Variants in TENT5C observed in about 807,000 individuals in gnomAD.
TENT5C encodes terminal nucleotidyltransferase 5C.
TENT5C carries 5 observed loss-of-function variants against 22.2 expected under a neutral mutation model. The ratio of observed to expected loss-of-function variants is 0.22; its 90% CI spans 0.12 to 0.47. TENT5C has a LOEUF of 0.47. TENT5C is among the 20% of genes least tolerant of loss of function. The pLI, the probability that TENT5C is intolerant of heterozygous loss-of-function variation, is 0.99. For missense variants in TENT5C, 364 were observed against 500.9 expected, an observed-to-expected ratio of 0.73 and a Z score of 2.61; for synonymous variants, 199 against 195.4, an observed-to-expected ratio of 1.02 and a Z score of -0.15.
chr1:117,614,769 G>T (rs1653746268), intron 1 of TENT5C, among the ~76,000 whole-genome samples: 1 of 152,104 alleles, frequency 6.6e-6, no homozygotes, highest in African/African-American at 2.4e-5. Context: ...ATCAGGATCA[G>T]CCCATTCCTG....
intron 1 of TENT5C, among the ~76,000 whole-genome samples, chr1:117,612,209 T>C (rs3767809): frequency 0.25 from 38,440 of 152,154 alleles, 4,925 homozygotes; most frequent in Admixed American, 0.32. Context: ...GAGCAGTGCT[T>C]GAAACATAGT....
rs925685597 is a variant in TENT5C, at chr1:117,627,760, T to A, written c.*3716T>A. 2 of 247,746 alleles carry A rather than the reference T, an allele frequency of 8.1e-6. No homozygotes were observed. Among genetic ancestry groups the A allele is most frequent in the Non-Finnish European group, 1.7e-5 (2 of 118,092 alleles). The allele number at this position is 247,746 out of a possible 1,614,324, so 15.3% of individuals were successfully genotyped here. A position where few individuals can be genotyped will look rare whatever the true frequency, so the allele number is the denominator to read the frequency against. Reference sequence around the variant, plus strand: ...CAAGTCGTGGGGGAGGGGGGCGGTGTTGAGGAGAGGTATTTTTAAAGATCT... The same window carrying A: ...CAAGTCGTGGGGGAGGGGGGCGGTGATGAGGAGAGGTATTTTTAAAGATCT... On this transcript the variant is annotated 3_prime_UTR_variant, in exon 2 of 2. Transcript: ENST00000369448.
Position 117,628,350 on chromosome 1 carries a change from GTATATTT to G in TENT5C, c.*4307_*4313del, listed in dbSNP as rs1558009378. 4.2e-6 allele frequency: 1 copy of G among 239,644 alleles called. No homozygotes were observed. The allele number at this position is 239,644 out of a possible 1,614,324, so 14.8% of individuals were successfully genotyped here. On this transcript the variant is annotated 3_prime_UTR_variant, in exon 2 of 2. Transcript: ENST00000369448. ...AAAGCTTTGAGTTTGAGAAATAAAGGTATATTTAAAATTTAAATAAAACTTGTCATTT... is the reference window on the plus strand; with the variant it reads ...AAAGCTTTGAGTTTGAGAAATAAAGGAAAATTTAAATAAAACTTGTCATTT...
intron 1 of TENT5C, among the ~76,000 whole-genome samples, chr1:117,615,906 C>T (rs12025902): frequency 0.053 from 8,010 of 152,264 alleles, 298 homozygotes; most frequent in East Asian, 0.14. Context: ...CTAGGTCTCA[C>T]GGTTACATAG....
chr1:117,615,017 C>T lies in TENT5C; in HGVS notation c.-27-7825C>T, dbSNP rs557478270. On this transcript the variant is annotated intron_variant, in intron 1 of 1. Transcript: ENST00000369448. ...AGTAGCATAACGATTAGCATTTCTA[C>T]ACTTAATCACATTCAGTTCTGGTGG... Among the ~76,000 whole-genome samples, 8 of 152,338 alleles carry T rather than the reference C, an allele frequency of 5.3e-5. No individual in the cohort carries two copies. In the South Asian group the frequency reaches 1.2e-3, roughly 24 times the overall value.
intron 1 of TENT5C, among the ~76,000 whole-genome samples, chr1:117,621,619 G>C (rs1381034254): frequency 1.3e-5 from 2 of 152,180 alleles, no homozygotes; most frequent in African/African-American, 4.8e-5. Flanking sequence ...AAACACAGCA[G>C]CTTCCAAACA....
In TENT5C at chr1:117,623,772, A is replaced by G. The variant is rs538158859; in HGVS notation, c.904A>G (p.Ser302Gly). 1.9e-6 allele frequency: 3 copies of G among 1,614,192 alleles called. No individual in the cohort carries two copies. The highest frequency in any genetic ancestry group is 2.2e-5 in the South Asian group (2 of 91,074). Residue 302 changes from serine to glycine, a missense_variant, in exon 2 of 2, where the codon AGC becomes GGC. Physicochemically the swap from Ser to Gly is moderately conservative, Grantham distance 56 (BLOSUM62 0). Transcript: ENST00000369448. ...AAACCACTTCGCTGAAGAAGAGAGA[A>G]GCAAGTACGACTACCTCATGATCCT... ...LQNHFAEEER[S>G]KYDYLMILRR...
At chr1:117,622,385 G>A (rs1653912684) in intron 1 of TENT5C, among the ~76,000 whole-genome samples, 1 of 151,552 alleles carries the variant, frequency 6.6e-6, no homozygotes. Flanking sequence ...TTCTGTGTAT[G>A]AATGTTGTAG....
intron 1 of TENT5C, among the ~76,000 whole-genome samples, chr1:117,606,414 A>T (rs564834915): frequency 6.6e-6 from 1 of 152,164 alleles, no homozygotes; most frequent in African/African-American, 2.4e-5. Flanking sequence ...AAAGGGAGCT[A>T]CAACTTTCCA....
Position 117,623,099 on chromosome 1 carries a change from C to T in TENT5C, c.231C>T (p.Gly77=). The change falls in exon 2 of 2, where the codon GGC becomes GGT. Residue 77 remains glycine (G), a synonymous_variant. Coordinates refer to ENST00000369448, the MANE Select transcript of TENT5C (RefSeq NM_017709.4). ...TCCGGCTGAATGGCTCCGCAGCTGG[C>T]CACGTTTTGGTCAAAGACAATGGCT... ...HDVRLNGSAA[G]HVLVKDNGLG... is the part of the protein sequence containing the mutation. 2 of 1,614,210 alleles carry T rather than the reference C, an allele frequency of 1.2e-6. No homozygotes were observed. Among genetic ancestry groups the T allele is most frequent in the Non-Finnish European group, 1.7e-6 (2 of 1,180,032 alleles).
At position 117,624,093 on chromosome 1, in the gene TENT5C, C is replaced by A. The variant is rs1653957790; in HGVS notation, c.*49C>A. On this transcript the variant is annotated 3_prime_UTR_variant, in exon 2 of 2. Coordinates refer to ENST00000369448, the MANE Select transcript of TENT5C (RefSeq NM_017709.4). ...AGTGGGAACCCCAATAGGGCTAGGGCTCTCAGGTAGGGGAGCCTCCTTCTA... is the reference window on the plus strand; with the variant it reads ...AGTGGGAACCCCAATAGGGCTAGGGATCTCAGGTAGGGGAGCCTCCTTCTA... The A allele has an allele frequency of 4.7e-6, 7 of 1,497,454 alleles. No homozygotes were observed. Among genetic ancestry groups the A allele is most frequent in the Admixed American group, 2.0e-5 (1 of 49,396 alleles). 92.8% of individuals were successfully genotyped at this position (1,497,454 alleles called of 1,614,324 possible). A position where few individuals can be genotyped will look rare whatever the true frequency, so the allele number is the denominator to read the frequency against.
In TENT5C at chr1:117,623,591, C is replaced by G. The variant is rs750607484; in HGVS notation, c.723C>G (p.Gly241=). 6.2e-7 allele frequency: 1 copy of G among 1,613,714 alleles called. No individual in the cohort carries two copies. Among genetic ancestry groups the G allele is most frequent in the Non-Finnish European group, 8.5e-7 (1 of 1,179,958 alleles). Reference sequence around the variant, plus strand: ...CCAAGAACCCAGAAGAAATCAGAGGCGGGGGACTTCTCAAGTACAGCAACC... The same window carrying G: ...CCAAGAACCCAGAAGAAATCAGAGGGGGGGGACTTCTCAAGTACAGCAACC... ...IATKNPEEIR[G]GGLLKYSNLL... is the part of the protein sequence containing the mutation. The change falls in exon 2 of 2, where the codon GGC becomes GGG. Residue 241 remains glycine (G), a synonymous_variant. Coordinates refer to ENST00000369448, the MANE Select transcript of TENT5C (RefSeq NM_017709.4).
rs2101083153 is a variant in TENT5C at position 117,628,389 on chromosome 1, A to G, written c.*4345A>G. The stretch of plus-strand genomic sequence containing the variant: ...TAAATAAAACTTGTCATTTATGCTC[A>G]TTGATTTGTTTCTTCTCAATGATGA... On this transcript the variant is annotated 3_prime_UTR_variant, in exon 2 of 2. Coordinates refer to ENST00000369448, the MANE Select transcript of TENT5C (RefSeq NM_017709.4). 4.4e-6 allele frequency: 1 copy of G among 226,478 alleles called. No homozygotes were observed. Among genetic ancestry groups the G allele is most frequent in the Non-Finnish European group, 9.6e-6 (1 of 104,416 alleles). The allele number at this position is 226,478 out of a possible 1,614,324, so 14.0% of individuals were successfully genotyped here. A position where few individuals can be genotyped will look rare whatever the true frequency, so the allele number is the denominator to read the frequency against.
At chr1:117,622,614 A>C (rs1228762101) in intron 1 of TENT5C, among the ~76,000 whole-genome samples, 1 of 152,184 alleles carries the variant, frequency 6.6e-6, no homozygotes, top group Non-Finnish European at 1.5e-5. Context: ...AAAACTATGA[A>C]ATAATCTAAA....
intron 1 of TENT5C, among the ~76,000 whole-genome samples, chr1:117,610,566 T>C (rs926122771): frequency 2.0e-5 from 3 of 152,244 alleles, no homozygotes; most frequent in African/African-American, 7.2e-5. Context: ...TCTTACTCTG[T>C]CGCCAGGCTG....
intron 1 of TENT5C, among the ~76,000 whole-genome samples, chr1:117,607,722 T>A (rs1421472485): frequency 1.3e-5 from 2 of 152,158 alleles, no homozygotes; most frequent in Non-Finnish European, 2.9e-5. Flanking sequence ...AGAATTTTAC[T>A]GTCTTAAATC....
intron 1 of TENT5C, among the ~76,000 whole-genome samples, chr1:117,621,498 T>A (rs1242570457): frequency 6.6e-6 from 1 of 152,206 alleles, no homozygotes; most frequent in East Asian, 1.9e-4. Context: ...CATCTCCATG[T>A]ACCCAGCAAT....
rs1293686110 is a variant in TENT5C at position 117,623,160 on chromosome 1, G to C, written c.292G>C (p.Ala98Pro). Residue 98 changes from alanine (A) to proline (P), a missense_variant, in exon 2 of 2, where the codon GCT (alanine) becomes CCT (proline). Ala to Pro is a conservative substitution (Grantham distance 27, BLOSUM62 -1). Around this residue, in one of 3 missense-constraint regions of TENT5C, gnomAD observed 303 missense variants for 394.5 expected, o/e 0.77. Transcript: ENST00000369448. ...AGACCTGGACCTAATCTTCCATGTGGCTCTTCCAACAGAGGCAGAATTTCA... is the reference window on the plus strand; with the variant it reads ...AGACCTGGACCTAATCTTCCATGTGCCTCTTCCAACAGAGGCAGAATTTCA... ...CKDLDLIFHV[A>P]LPTEAEFQLV... 3 of 1,614,072 alleles carry C rather than the reference G, an allele frequency of 1.9e-6. No homozygotes were observed. The African/African-American group carries it at 4.0e-5, about 22-fold the overall frequency.
Position 117,626,049 on chromosome 1 carries a change from A to G in TENT5C, c.*2005A>G, listed in dbSNP as rs150395948. On this transcript the variant is annotated 3_prime_UTR_variant, in exon 2 of 2. Coordinates refer to ENST00000369448, the MANE Select transcript of TENT5C (RefSeq NM_017709.4). ...AACTTTGGAAACTATCTGGTCATTC[A>G]TGACCTTAAAAAGCTGCCATGGTGG... 627 of 248,092 alleles carry G rather than the reference A, an allele frequency of 2.5e-3. 1 individual carries two copies. The highest frequency in any genetic ancestry group is 0.013 in the African/African-American group (602 of 45,482). The allele number at this position is 248,092 out of a possible 1,614,324, so 15.4% of individuals were successfully genotyped here.
Sources: allele counts gnomAD v4.1 joint callset (sites outside exome capture counted in the v4.1 genomes callset), GRCh38; gene constraint gnomAD v4.1.1; regional missense constraint gnomAD v4.1.1; transcripts MANE v1.5; gene names NCBI Gene and HGNC (gene_info 2026-07-23, HGNC 2026-07-21).